Variants in ADGRV1 observed in about 807,000 individuals in gnomAD.
The protein encoded by ADGRV1 is adhesion G protein-coupled receptor V1, also known as G-protein coupled receptor 98.
In ADGRV1, 359 loss-of-function variants were observed where a neutral mutation model predicts 596.2. The ratio of observed to expected loss-of-function variants is 0.60; its 90% CI spans 0.55 to 0.66. ADGRV1 has a LOEUF of 0.66. Ranked by LOEUF, ADGRV1 falls within the 30% of genes least tolerant of loss-of-function variation. The probability of loss-of-function intolerance (pLI) is 0.00; values close to 1 mark genes in which losing one functional copy is unlikely to be tolerated. For missense variants in ADGRV1, 7,274 were observed against 7,575.6 expected (o/e 0.96, Z 1.48); for synonymous variants, 2,681 against 2,679.2 (o/e 1.00, Z -0.02).
chr5:91,088,924 T>A (rs1213017375), intron 86 of ADGRV1, among the ~76,000 whole-genome samples: 3 of 152,176 alleles, frequency 2.0e-5, no homozygotes, highest in African/African-American at 7.2e-5. Context: ...ACAGCCTCTT[T>A]CTCCCTAGAG....
intron 83 of ADGRV1, among the ~76,000 whole-genome samples, chr5:90,869,205 G>A (rs1161932461): frequency 1.3e-5 from 2 of 152,156 alleles, no homozygotes; most frequent in African/African-American, 2.4e-5. Flanking sequence ...CCTGGTTGTT[G>A]AAGAATGTAT....
At chr5:90,987,950 G>A (rs1477653983) in intron 85 of ADGRV1, among the ~76,000 whole-genome samples, 1 of 152,086 alleles carries the variant, frequency 6.6e-6, no homozygotes, top group Non-Finnish European at 1.5e-5. Context: ...TCTAATTTTT[G>A]TCTCCTTAGC....
At chr5:91,061,525 G>A (rs1435866986) in intron 85 of ADGRV1, among the ~76,000 whole-genome samples, 6 of 152,114 alleles carry the variant, frequency 3.9e-5, no homozygotes, top group Non-Finnish European at 5.9e-5. Flanking sequence ...TACAATATAA[G>A]GTGGTATTTT....
At chr5:90,668,800 T>G (rs1334209340) in intron 21 of ADGRV1, among the ~76,000 whole-genome samples, 1 of 152,228 alleles carries the variant, frequency 6.6e-6, no homozygotes, top group Non-Finnish European at 1.5e-5. Flanking sequence ...TTTTTTAAAC[T>G]GAAAATATTC....
chr5:90,589,312 T>A (rs1759176373), intron 1 of ADGRV1, among the ~76,000 whole-genome samples: 1 of 152,198 alleles, frequency 6.6e-6, no homozygotes, highest in Non-Finnish European at 1.5e-5. Context: ...GATACCATAG[T>A]TGATGCACTC....
intron 16 of ADGRV1, 42 bp downstream of exon 16, chr5:90,646,133 A>C (rs1767721642): frequency 1.4e-6 from 2 of 1,455,174 alleles, no homozygotes; most frequent in South Asian, 1.4e-5. Flanking sequence ...CATATTTCTT[A>C]AATAGTATAT....
At chr5:91,071,707 C>G (rs1167807960) in intron 85 of ADGRV1, among the ~76,000 whole-genome samples, 4 of 151,668 alleles carry the variant, frequency 2.6e-5, no homozygotes, top group Admixed American at 2.0e-4. Context: ...TGGAGTCTCC[C>G]TCTGTCACCT....
chr5:91,010,673 A>G (rs374607228), intron 85 of ADGRV1, among the ~76,000 whole-genome samples: 20 of 152,190 alleles, frequency 1.3e-4, no homozygotes, highest in Middle Eastern at 3.4e-3. Context: ...TACTACTTAC[A>G]GTGGAAACCT....
intron 50 of ADGRV1, among the ~76,000 whole-genome samples, chr5:90,733,179 C>T (rs1194814559): frequency 6.6e-6 from 1 of 152,246 alleles, no homozygotes; most frequent in African/African-American, 2.4e-5. Context: ...AATGAAGATT[C>T]AACAGCACTT....
intron 1 of ADGRV1, among the ~76,000 whole-genome samples, chr5:90,578,924 G>T (rs1757594590): frequency 6.6e-6 from 1 of 152,052 alleles, no homozygotes; most frequent in Non-Finnish European, 1.5e-5. Context: ...ATTCTCTGAT[G>T]GTAGTTTGTA....
At chr5:90,778,688 G>T in intron 63 of ADGRV1, 79 bp downstream of exon 63, 2 of 1,248,000 alleles carry the variant, frequency 1.6e-6, no homozygotes, top group South Asian at 2.0e-5. Flanking sequence ...CTATTCCAGA[G>T]TTTTCATAAA....
chr5:90,581,122 T>A (rs1300448156), intron 1 of ADGRV1, among the ~76,000 whole-genome samples: 1 of 152,220 alleles, frequency 6.6e-6, no homozygotes, highest in Non-Finnish European at 1.5e-5. Flanking sequence ...TAAAGTCTCC[T>A]CTACACTGTT....
At chr5:90,584,869 C>G (rs1212181690) in intron 1 of ADGRV1, among the ~76,000 whole-genome samples, 1 of 152,074 alleles carries the variant, frequency 6.6e-6, no homozygotes. Flanking sequence ...GATAAACAAC[C>G]CACCTTTTAA....
At chr5:91,007,533 G>A (rs2151130513) in intron 85 of ADGRV1, among the ~76,000 whole-genome samples, 1 of 152,190 alleles carries the variant, frequency 6.6e-6, no homozygotes, top group African/African-American at 2.4e-5. Context: ...TCAGAACAGA[G>A]CATATATAAG....
intron 85 of ADGRV1, among the ~76,000 whole-genome samples, chr5:91,062,953 CTTTTT>C (rs70973726): frequency 2.5e-5 from 2 of 80,844 alleles, no homozygotes; most frequent in African/African-American, 4.4e-5. Context: ...GTTTCTCAAA[CTTTTT>C]TTTTTTTTTT....
intron 59 of ADGRV1, among the ~76,000 whole-genome samples, chr5:90,769,845 T>C (rs1757508761): frequency 6.6e-6 from 1 of 152,222 alleles, no homozygotes. Flanking sequence ...GAAAAATCTG[T>C]AATTCTGGGA....
rs375079684 is a variant in ADGRV1, at chr5:90,685,874, A to G, written c.6369A>G (p.Ser2123=). ...ATGCATTTGGAACTCTTCAGCTCTC[A>G]GCACCAATTGTCCGAGTGGCAGAAA... ...NDDAFGTLQL[S]APIVRVAENH... is the part of the protein sequence containing the mutation. The change falls in exon 29 of 90, where the codon TCA becomes TCG. Residue 2123 remains serine, a synonymous_variant. Coordinates refer to ENST00000405460, the MANE Select transcript of ADGRV1 (RefSeq NM_032119.4). The G allele has an allele frequency of 2.5e-6, 4 of 1,611,994 alleles. No individual in the cohort carries two copies. In the African/African-American group the frequency reaches 5.3e-5, roughly 22 times the overall value.
At chr5:90,595,646 C>A (rs1760334113) in intron 1 of ADGRV1, among the ~76,000 whole-genome samples, 1 of 132,852 alleles carries the variant, frequency 7.5e-6, no homozygotes, top group Admixed American at 7.0e-5. Context: ...GACGGGGCGG[C>A]TGGCCGGGCG....
chr5:90,799,913 A>G (rs547646285), intron 70 of ADGRV1, among the ~76,000 whole-genome samples: 1 of 152,188 alleles, frequency 6.6e-6, no homozygotes, highest in Admixed American at 6.5e-5. Flanking sequence ...CTTATACCTT[A>G]TACAAAAATT....
Sources: gnomAD v4.1 joint callset for allele counts (sites outside exome capture counted in the v4.1 genomes callset) on GRCh38, gnomAD v4.1.1 for gene constraint, MANE v1.5 for transcripts, NCBI Gene and HGNC (gene_info 2026-07-23, HGNC 2026-07-21) for gene names.